ENPP1: variants seen among roughly 807,000 people sequenced by gnomAD.
ENPP1 encodes ectonucleotide pyrophosphatase/phosphodiesterase family member 1.
Under a neutral mutation model 122.8 loss-of-function variants are expected in ENPP1, and 73 were observed. The ratio of observed to expected loss-of-function variants is 0.59; its 90% CI spans 0.49 to 0.72. The LOEUF (loss-of-function observed/expected upper bound fraction) is 0.72, where lower values mean the gene tolerates loss of function less well. Among genes scored for constraint, ENPP1 ranks in the 30% least tolerant of loss-of-function variants. ENPP1 has a pLI of 0.00. For synonymous variants in ENPP1, 367 were observed against 391.6 expected (o/e 0.94, Z 0.74); for missense variants, 978 against 1,128.1 (o/e 0.87, Z 1.91).
At position 131,893,949 on chromosome 6, in the gene ENPP1, C is replaced by CTTTTTTTTTTT. The variant is rs564304453; in HGVS notation, c.*3458_*3468dup. 2.5e-4 allele frequency: 15 copies of CTTTTTTTTTTT among 59,498 alleles called. No individual in the cohort carries two copies. Among genetic ancestry groups the CTTTTTTTTTTT allele is most frequent in the Admixed American group, 7.3e-4 (3 of 4,088 alleles). The allele number at this position is 59,498 out of a possible 1,614,324, so 3.7% of individuals were successfully genotyped here. ...GTGAAACCTTTATTTATCTTGATTT[C>CTTTTTTTTTTT]TTTTTTTTTTTTTTTTTTTTTTTTT... On this transcript the variant is annotated 3_prime_UTR_variant, in exon 25 of 25. Coordinates refer to ENST00000647893, the MANE Select transcript of ENPP1 (RefSeq NM_006208.3).
Position 131,890,344 on chromosome 6 carries a change from G to A in ENPP1, c.2611G>A (p.Gly871Arg), listed in dbSNP as rs146868608. ...RTDNSESCVH[G>R]KHDSSWVEEL... Reference sequence around the variant, plus strand: ...TTTATATTTCCTATTCTCCTAGCATGGGAAGCATGACTCCTCATGGGTTGA... The same window carrying A: ...TTTATATTTCCTATTCTCCTAGCATAGGAAGCATGACTCCTCATGGGTTGA... Residue 871 changes from glycine to arginine, a missense_variant, in exon 25 of 25, where the codon GGG becomes AGG. By Grantham distance (125) the Gly-to-Arg change is moderately radical. Coordinates refer to ENST00000647893, the MANE Select transcript of ENPP1 (RefSeq NM_006208.3). 10 of 1,613,016 alleles carry A rather than the reference G, an allele frequency of 6.2e-6. No homozygotes were observed. Among genetic ancestry groups the A allele is most frequent in the African/African-American group, 4.0e-5 (3 of 74,902 alleles).
At chr6:131,831,114 CAAAAAAAAAAAAAA>C (rs3036850) in intron 1 of ENPP1, among the ~76,000 whole-genome samples, 2 of 60,018 alleles carry the variant, frequency 3.3e-5, no homozygotes, top group Non-Finnish European at 6.1e-5. Flanking sequence ...GCCCATCTCT[CAAAAAAAAAAAAAA>C]AAAAAAAAAG....
At chr6:131,848,001 T>C (rs1267192832) in intron 2 of ENPP1, among the ~76,000 whole-genome samples, 153 bp downstream of exon 2, 1 of 152,172 alleles carries the variant, frequency 6.6e-6, no homozygotes, top group Non-Finnish European at 1.5e-5. Flanking sequence ...TGAGCCTTTT[T>C]CCTGAAGTTC....
intron 5 of ENPP1, among the ~76,000 whole-genome samples, chr6:131,854,296 C>G (rs1781917812): frequency 6.6e-6 from 1 of 151,880 alleles, no homozygotes; most frequent in East Asian, 1.9e-4. Flanking sequence ...GTTTGTAGTC[C>G]CAGCTACTTG....
intron 1 of ENPP1, among the ~76,000 whole-genome samples, chr6:131,832,558 C>T (rs1562513960): frequency 6.6e-6 from 1 of 152,214 alleles, no homozygotes; most frequent in Non-Finnish European, 1.5e-5. Context: ...ATAAATTCAT[C>T]TCTGTTCAGC....
intron 24 of ENPP1, among the ~76,000 whole-genome samples, chr6:131,888,580 T>G (rs1251152627): frequency 6.6e-6 from 1 of 152,238 alleles, no homozygotes; most frequent in East Asian, 1.9e-4. Flanking sequence ...TTAAAATTCA[T>G]GAAGATATGT....
At chr6:131,809,099 G>A (rs569705413) in intron 1 of ENPP1, among the ~76,000 whole-genome samples, 1 of 152,064 alleles carries the variant, frequency 6.6e-6, no homozygotes, top group Non-Finnish European at 1.5e-5. Context: ...TGTGAAAATG[G>A]GACAACATCA....
intron 3 of ENPP1, 26 bp from the exon 4 acceptor site, chr6:131,851,116 C>T: frequency 6.2e-7 from 1 of 1,613,268 alleles, no homozygotes; most frequent in Non-Finnish European, 8.5e-7. Flanking sequence ...AGACATAAAA[C>T]ACATTTTGCT....
intron 8 of ENPP1, among the ~76,000 whole-genome samples, chr6:131,861,341 TTTTTC>T (rs1209319048): frequency 3.3e-5 from 5 of 152,214 alleles, no homozygotes; most frequent in Non-Finnish European, 5.9e-5. Context: ...TCGTGAATTT[TTTTTC>T]TTTTAAGAGA....
intron 11 of ENPP1, 93 bp downstream of exon 11, chr6:131,865,031 T>C (rs558840473): frequency 7.4e-6 from 6 of 813,344 alleles, no homozygotes; most frequent in African/African-American, 6.7e-5. Flanking sequence ...TTTATAAGAT[T>C]CTATCATTTC....
chr6:131,808,328 G>T, intron 1 of ENPP1, 53 bp downstream of exon 1: 1 of 1,451,504 alleles, frequency 6.9e-7, no homozygotes, highest in Non-Finnish European at 9.1e-7. Flanking sequence ...TACGGGGAGG[G>T]CGGCGCCGAG....
In ENPP1 at chr6:131,832,444, C is replaced by G. The variant is rs1781625895; in HGVS notation, c.241-15332C>G. On this transcript the variant is annotated intron_variant, in intron 1 of 24. Transcript: ENST00000647893. ...CAGAATGAAGCTGGCCAGATGTGCA[C>G]TTTACCTTGGGAATGATTTAGGCAT... is the stretch of plus-strand genomic sequence containing the variant. Among the ~76,000 whole-genome samples the G allele has an allele frequency of 1.3e-5, 2 of 152,164 alleles. 1 individual carries two copies. Among genetic ancestry groups the G allele is most frequent in the African/African-American group, 4.8e-5 (2 of 41,434 alleles).
intron 1 of ENPP1, among the ~76,000 whole-genome samples, chr6:131,837,703 T>C (rs949109164): frequency 4.6e-5 from 7 of 152,268 alleles, no homozygotes; most frequent in African/African-American, 1.7e-4. Context: ...TTGAAACCTG[T>C]TAATGAGATA....
intron 24 of ENPP1, among the ~76,000 whole-genome samples, chr6:131,887,930 G>C (rs1376310859): frequency 7.2e-6 from 1 of 139,800 alleles, no homozygotes; most frequent in Non-Finnish European, 1.5e-5. Flanking sequence ...GCGTGATCTC[G>C]GCTCCCTGCA....
intron 1 of ENPP1, among the ~76,000 whole-genome samples, chr6:131,838,576 CAT>C (rs1187004282): frequency 2.7e-5 from 4 of 149,742 alleles, no homozygotes; most frequent in African/African-American, 4.9e-5. Flanking sequence ...TCTAAGCATC[CAT>C]ATTAACAGTA....
At position 131,894,487 on chromosome 6, in the gene ENPP1, C is replaced by G. The variant is rs1782520969; in HGVS notation, c.*3976C>G. On this transcript the variant is annotated 3_prime_UTR_variant, in exon 25 of 25. Coordinates refer to ENST00000647893, the MANE Select transcript of ENPP1 (RefSeq NM_006208.3). ...GGAGATGGGGTTTCACTGTGTTGCTCAGGCTGGTCTTGATCTCCTGAGCTC... is the reference window on the plus strand; with the variant it reads ...GGAGATGGGGTTTCACTGTGTTGCTGAGGCTGGTCTTGATCTCCTGAGCTC... 1 of 151,654 alleles carries G rather than the reference C, an allele frequency of 6.6e-6. No individual in the cohort carries two copies. Among genetic ancestry groups the G allele is most frequent in the African/African-American group, 2.4e-5 (1 of 41,130 alleles). The allele number at this position is 151,654 out of a possible 1,614,324, so 9.4% of individuals were successfully genotyped here. A position where few individuals can be genotyped will look rare whatever the true frequency, so the allele number is the denominator to read the frequency against.
At chr6:131,811,109 T>C (rs972136236) in intron 1 of ENPP1, among the ~76,000 whole-genome samples, 3 of 152,156 alleles carry the variant, frequency 2.0e-5, no homozygotes, top group Admixed American at 2.0e-4. Context: ...TGTGTTGACT[T>C]GGAGATGTAT....
intron 7 of ENPP1, among the ~76,000 whole-genome samples, chr6:131,860,125 G>T (rs1324453078): frequency 3.3e-5 from 5 of 152,142 alleles, no homozygotes; most frequent in Non-Finnish European, 4.4e-5. Context: ...GGGTCTGGCT[G>T]AGGCTGCCTT....
In ENPP1 at chr6:131,812,599, A is replaced by G. The variant is rs562104646; in HGVS notation, c.240+4324A>G. On this transcript the variant is annotated intron_variant, in intron 1 of 24. Coordinates refer to ENST00000647893, the MANE Select transcript of ENPP1 (RefSeq NM_006208.3). ...TGTTAATGGAAAAACCAAACTCTGT[A>G]AAATATTTTAAAGAGCTTTATCCTG... Among the ~76,000 whole-genome samples, 10 of 152,336 alleles carry G rather than the reference A, an allele frequency of 6.6e-5. No individual in the cohort carries two copies. In the South Asian group the frequency reaches 1.2e-3, roughly 19 times the overall value.
Sources: gnomAD v4.1 joint callset for allele counts (sites outside exome capture counted in the v4.1 genomes callset) on GRCh38, gnomAD v4.1.1 for gene constraint, MANE v1.5 for transcripts, NCBI Gene and HGNC (gene_info 2026-07-23, HGNC 2026-07-21) for gene names.